KYAT1: variants seen among roughly 807,000 people sequenced by gnomAD.
KYAT1 encodes the protein kynurenine--oxoglutarate transaminase 1.
A neutral mutation model predicts 52.4 loss-of-function variants in KYAT1; 47 were observed. That is an observed-to-expected ratio of 0.90 (90% CI 0.71 to 1.14). The LOEUF (loss-of-function observed/expected upper bound fraction) is 1.14. KYAT1 is among the 50% of genes most tolerant of loss of function. KYAT1 has a pLI of 0.00. For synonymous variants in KYAT1, 212 were observed against 209.6 expected (o/e 1.01, Z -0.10); for missense variants, 480 against 557.9 (o/e 0.86, Z 1.41).
chr9:128,854,172 G>GA (rs1834305196), intron 1 of KYAT1, among the ~76,000 whole-genome samples: 4 of 152,094 alleles, frequency 2.6e-5, no homozygotes, highest in Admixed American at 2.6e-4. Context: ...GGCCATAATT[G>GA]AAAGAAGTAA....
chr9:128,864,567 G>A (rs920387817), intron 1 of KYAT1, among the ~76,000 whole-genome samples: 1 of 151,840 alleles, frequency 6.6e-6, no homozygotes, highest in Non-Finnish European at 1.5e-5. Context: ...CTGTCTCTGC[G>A]ATTTTGACTA....
intron 1 of KYAT1, among the ~76,000 whole-genome samples, chr9:128,872,510 G>A (rs1455733505): frequency 6.6e-6 from 1 of 151,832 alleles, no homozygotes; most frequent in Non-Finnish European, 1.5e-5. Context: ...GCTCATGCCT[G>A]TAATCCCAGC....
At position 128,861,161 on chromosome 9, in the gene KYAT1, T is replaced by C. The variant is rs185362619; in HGVS notation, c.-6-15750A>G. Among the ~76,000 whole-genome samples, 42 of 152,294 alleles carry C rather than the reference T, an allele frequency of 2.8e-4. 1 individual carries two copies. The South Asian group carries it at 6.8e-3, about 25-fold the overall frequency. ...TGTGGCTAGTTTGTTACAACAGCCT[T>C]AGGAATCAAATCCAAGGTGATGGGG... is the stretch of plus-strand genomic sequence containing the variant. On this transcript the variant is annotated intron_variant, in intron 1 of 12. Transcript: ENST00000302586.
intron 1 of KYAT1, among the ~76,000 whole-genome samples, chr9:128,875,312 T>G (rs572715221): frequency 6.9e-6 from 1 of 145,060 alleles, no homozygotes; most frequent in African/African-American, 2.6e-5. Context: ...CAGGCCGGAG[T>G]GCAGCTGTGT....
intron 7 of KYAT1, among the ~76,000 whole-genome samples, chr9:128,836,335 G>A (rs1239940332): frequency 4.4e-5 from 5 of 114,108 alleles, no homozygotes; most frequent in Non-Finnish European, 8.2e-5. Context: ...GTCTCGCTCT[G>A]TTGCCCAGGC....
At chr9:128,845,274 C>T (rs545630472) in intron 2 of KYAT1, 79 bp downstream of exon 2, 1 of 1,146,004 alleles carries the variant, frequency 8.7e-7, no homozygotes, top group East Asian at 2.4e-5. Context: ...TGGAGTACTA[C>T]TGAGTTGCTG....
chr9:128,877,987 A>C lies in KYAT1; in HGVS notation c.-7+3910T>G, dbSNP rs74751974. Among the ~76,000 whole-genome samples the C allele has an allele frequency of 4.4e-3, 671 of 152,238 alleles. 7 individuals carry two copies. Among genetic ancestry groups the C allele is most frequent in the African/African-American group, 0.016 (645 of 41,542 alleles). ...ACTTGGATCAAATAGTCCCAGCTCC[A>C]CCATAAACTAGCTATGGGACCTTGG... On this transcript the variant is annotated intron_variant, in intron 1 of 12. Transcript: ENST00000302586.
At chr9:128,851,756 T>G in intron 1 of KYAT1, among the ~76,000 whole-genome samples, 1 of 152,232 alleles carries the variant, frequency 6.6e-6, no homozygotes, top group East Asian at 1.9e-4. Flanking sequence ...GAACGGAAAG[T>G]TCACATTGTA....
At chr9:128,845,839 G>A (rs1028575228) in intron 1 of KYAT1, among the ~76,000 whole-genome samples, 1 of 152,220 alleles carries the variant, frequency 6.6e-6, no homozygotes, top group Non-Finnish European at 1.5e-5. Flanking sequence ...CACTTACAGA[G>A]GTCTTGCTAA....
intron 11 of KYAT1, among the ~76,000 whole-genome samples, chr9:128,834,267 A>C (rs1830612017): frequency 1.3e-5 from 2 of 152,078 alleles, no homozygotes; most frequent in South Asian, 4.1e-4. Context: ...AACAAAAACA[A>C]ACACAAAGTC....
intron 2 of KYAT1, 77 bp from the exon 3 acceptor site, chr9:128,842,878 G>T: frequency 6.7e-7 from 1 of 1,481,784 alleles, no homozygotes; most frequent in South Asian, 1.3e-5. Context: ...AGAAAAACTG[G>T]ACAACCGGCC....
intron 3 of KYAT1, chr9:128,842,158 A>T (rs925045291): frequency 3.3e-6 from 1 of 307,444 alleles, no homozygotes; most frequent in African/African-American, 2.2e-5. Flanking sequence ...GCACCATTGC[A>T]CTCCAGCCTG....
rs1831499926 is a variant in KYAT1, at chr9:128,838,263, C to T, written c.306G>A (p.Gly102=). The part of the protein sequence containing the change: ...RNVLVTVGGY[G]ALFTAFQALV... Reference sequence around the variant, plus strand: ...GGGCCTGGAAGGCTGTGAACAGGGCCCCATAGCCACCAACAGTCACCAGCA... The same window carrying T: ...GGGCCTGGAAGGCTGTGAACAGGGCTCCATAGCCACCAACAGTCACCAGCA... Residue 102 remains glycine, a synonymous_variant, in exon 4 of 13, where the codon GGG becomes GGA. Transcript: ENST00000302586. The T allele has an allele frequency of 6.2e-7, 1 of 1,614,064 alleles. No homozygotes were observed. The highest frequency in any genetic ancestry group is 1.3e-5 in the African/African-American group (1 of 74,910).
At chr9:128,859,101 G>A (rs1207929125) in intron 1 of KYAT1, among the ~76,000 whole-genome samples, 5 of 152,016 alleles carry the variant, frequency 3.3e-5, no homozygotes, top group Admixed American at 2.0e-4. Context: ...GGTGACTCAC[G>A]CCTGTAATCC....
At chr9:128,858,706 A>G (rs1440972160) in intron 1 of KYAT1, among the ~76,000 whole-genome samples, 1 of 151,910 alleles carries the variant, frequency 6.6e-6, no homozygotes, top group Admixed American at 6.6e-5. Context: ...AAAAAACAAA[A>G]AAAGAAAAAG....
At chr9:128,859,560 C>T (rs1195615560) in intron 1 of KYAT1, among the ~76,000 whole-genome samples, 2 of 152,058 alleles carry the variant, frequency 1.3e-5, no homozygotes, top group African/African-American at 2.4e-5. Context: ...CTCCCAGCTA[C>T]TCAGGAGGCT....
Position 128,838,283 on chromosome 9 carries a change from C to T in KYAT1, c.286G>A (p.Val96Met). The T allele has an allele frequency of 6.2e-7, 1 of 1,614,210 alleles. No individual in the cohort carries two copies. Among genetic ancestry groups the T allele is most frequent in the Middle Eastern group, 1.6e-4 (1 of 6,062 alleles). Residue 96 changes from valine to methionine, a missense_variant, in exon 4 of 13, where the codon GTG becomes ATG. By Grantham distance (21) the Val-to-Met change is conservative (BLOSUM62 1). Transcript: ENST00000302586. ...AGGGCCCCATAGCCACCAACAGTCA[C>T]CAGCACATTCCTGAGCGGGTCTATC... ...QEIDPLRNVL[V>M]TVGGYGALFT...
At chr9:128,846,001 C>T (rs1833031772) in intron 1 of KYAT1, among the ~76,000 whole-genome samples, 1 of 152,192 alleles carries the variant, frequency 6.6e-6, no homozygotes, top group African/African-American at 2.4e-5. Flanking sequence ...CCTGTTGGAC[C>T]CAAGGCCATG....
chr9:128,856,239 A>C (rs1036560177), intron 1 of KYAT1, among the ~76,000 whole-genome samples: 1 of 152,212 alleles, frequency 6.6e-6, no homozygotes, highest in Non-Finnish European at 1.5e-5. Flanking sequence ...AACTGAGGCA[A>C]TGGTGAAAGC....
Sources: allele counts gnomAD v4.1 joint callset (sites outside exome capture counted in the v4.1 genomes callset), GRCh38; gene constraint gnomAD v4.1.1; transcripts MANE v1.5; gene names NCBI Gene and HGNC (gene_info 2026-07-23, HGNC 2026-07-21).